NR2F6: variants seen among roughly 807,000 people sequenced by gnomAD.
NR2F6 encodes ERBA-related gene-2.
In NR2F6, 16 loss-of-function variants were observed where a neutral mutation model predicts 26.5. The observed-to-expected ratio is 0.60, with a 90% confidence interval of 0.41 to 0.92. The LOEUF is 0.92. NR2F6 is among the 40% of genes least tolerant of loss of function. The pLI, the probability that NR2F6 is intolerant of heterozygous loss-of-function variation, is 0.00. For missense variants in NR2F6, 536 were observed against 631.7 expected, an observed-to-expected ratio of 0.85 and a Z score of 1.62; for synonymous variants, 325 against 305.0, an observed-to-expected ratio of 1.07 and a Z score of -0.68.
chr19:17,239,586 G>A (rs770623490), intron 2 of NR2F6, among the ~76,000 whole-genome samples: 6 of 151,526 alleles, frequency 4.0e-5, no homozygotes, highest in African/African-American at 9.7e-5. Context: ...CCCAGGGGGC[G>A]GAGCCTGCAG....
At chr19:17,237,453 C>T (rs1367609884) in intron 2 of NR2F6, among the ~76,000 whole-genome samples, 1 of 150,758 alleles carries the variant, frequency 6.6e-6, no homozygotes, top group African/African-American at 2.4e-5. Flanking sequence ...TGCTCTGTCA[C>T]CAGGCTGGAG....
At chr19:17,238,752 C>T (rs1413771178) in intron 2 of NR2F6, among the ~76,000 whole-genome samples, 1 of 152,166 alleles carries the variant, frequency 6.6e-6, no homozygotes, top group African/African-American at 2.4e-5. Flanking sequence ...TCAGCTTCTC[C>T]CACCAAGGCC....
rs866074729 is a variant in NR2F6 at position 17,235,805 on chromosome 19, T to C, written c.634A>G (p.Ser212Gly). Residue 212 changes from serine to glycine, a missense_variant, in exon 3 of 4, where the codon AGC (serine) becomes GGC (glycine). By Grantham distance (56) the Ser-to-Gly change is moderately conservative. Transcript: ENST00000291442. The surrounding 1 kb of genome is among the most constrained non-coding windows in gnomAD (Gnocchi z 5.0). The part of the protein sequence containing the change: ...VCELAARLLF[S>G]TVEWARHAPF... ...GCGTGGCGCGCCCACTCCACGGTGC[T>C]GAAGAGCAGCCGCGCCGCCAGCTCG... 1 of 1,484,834 alleles carries C rather than the reference T, an allele frequency of 6.7e-7. No individual in the cohort carries two copies. The highest frequency in any genetic ancestry group is 1.3e-5 in the South Asian group (1 of 78,842). 92.0% of individuals were successfully genotyped at this position (1,484,834 alleles called of 1,614,324 possible). A position where few individuals can be genotyped will look rare whatever the true frequency, so the allele number is the denominator to read the frequency against.
chr19:17,232,966 G>A (rs2073416062), intron 3 of NR2F6, among the ~76,000 whole-genome samples: 1 of 152,170 alleles, frequency 6.6e-6, no homozygotes, highest in South Asian at 2.1e-4. Context: ...TGGCCAACAT[G>A]ATGATATTCC....
intron 3 of NR2F6, 110 bp from the exon 4 acceptor site, chr19:17,232,736 G>T: frequency 7.7e-7 from 1 of 1,298,398 alleles, no homozygotes; most frequent in Non-Finnish European, 1.0e-6. Context: ...CAGGGGGCCG[G>T]GCATGATGGC....
At chr19:17,242,067 C>T (rs1319250066) in intron 1 of NR2F6, among the ~76,000 whole-genome samples, 3 of 151,940 alleles carry the variant, frequency 2.0e-5, no homozygotes, top group African/African-American at 7.3e-5. Context: ...GCCTGTAATC[C>T]CAGCACTTTG....
Position 17,235,815 on chromosome 19 carries a change from C to T in NR2F6, c.624G>A (p.Arg208=), listed in dbSNP as rs1356422607. 2 of 1,480,220 alleles carry T rather than the reference C, an allele frequency of 1.4e-6. No individual in the cohort carries two copies. The highest frequency in any genetic ancestry group is 2.4e-5 in the Admixed American group (1 of 42,246). The allele number at this position is 1,480,220 out of a possible 1,614,324, so 91.7% of individuals were successfully genotyped here. ...CCCACTCCACGGTGCTGAAGAGCAG[C>T]CGCGCCGCCAGCTCGCACACGTTGT... ...GIDNVCELAA[R]LLFSTVEWAR... Residue 208 remains arginine, a synonymous_variant, in exon 3 of 4, where the codon CGG becomes CGA. Transcript: ENST00000291442. This position sits in a 1 kb window ranked among gnomAD's most constrained non-coding sequence, Gnocchi z 5.0.
chr19:17,241,823 C>G (rs540777876), intron 1 of NR2F6, among the ~76,000 whole-genome samples: 56 of 149,626 alleles, frequency 3.7e-4, no homozygotes, highest in African/African-American at 1.4e-3. Context: ...CAAGACCAGC[C>G]TGGCCAACAT....
chr19:17,244,486 G>C, intron 1 of NR2F6: 1 of 159,080 alleles, frequency 6.3e-6, no homozygotes. Context: ...AGGGCGCGCC[G>C]TATCGATCCG....
intron 1 of NR2F6, among the ~76,000 whole-genome samples, chr19:17,243,050 A>G (rs2073477813): frequency 6.6e-6 from 1 of 152,124 alleles, no homozygotes; most frequent in Non-Finnish European, 1.5e-5. Flanking sequence ...ATGGCTGCAC[A>G]GTCCCCCTCT....
Position 17,240,783 on chromosome 19 carries a change from C to CT in NR2F6, c.279-19_279-18insA, listed in dbSNP as rs1267468205. On this transcript the variant is annotated intron_variant, in intron 1 of 3. Transcript: ENST00000291442. ...GGTTGGACCTGGGGGCACACAGAAG[C>CT]CAGGGCTCCCTGAGACCCCCATATC... The CT allele has an allele frequency of 6.2e-7, 1 of 1,612,008 alleles. No individual in the cohort carries two copies. Among genetic ancestry groups the CT allele is most frequent in the South Asian group, 1.1e-5 (1 of 90,842 alleles).
chr19:17,244,646 C>T (rs997530365), intron 1 of NR2F6: 6 of 372,784 alleles, frequency 1.6e-5, no homozygotes, highest in South Asian at 3.1e-5. Flanking sequence ...CCTACCCCCA[C>T]CCCAGCGCGG....
chr19:17,243,246 C>T (rs2073478823), intron 1 of NR2F6, among the ~76,000 whole-genome samples: 1 of 152,240 alleles, frequency 6.6e-6, no homozygotes, highest in Non-Finnish European at 1.5e-5. Flanking sequence ...CCAGATCCCA[C>T]AGACTTGGGG....
In NR2F6 at chr19:17,245,191, GC is replaced by G; in HGVS notation, c.29del (p.Gly10AlafsTer112). The G allele has an allele frequency of 7.3e-7, 1 of 1,378,014 alleles. No homozygotes were observed. Among genetic ancestry groups the G allele is most frequent in the Non-Finnish European group, 9.4e-7 (1 of 1,063,676 alleles). 85.4% of individuals were successfully genotyped at this position (1,378,014 alleles called of 1,614,324 possible). On this transcript the variant is annotated frameshift_variant, in exon 1 of 4. Coordinates refer to ENST00000291442, the MANE Select transcript of NR2F6 (RefSeq NM_005234.4). LOFTEE classifies it high-confidence loss of function. This position sits in a 1 kb window ranked among gnomAD's most constrained non-coding sequence, Gnocchi z 5.0. Reference sequence around the variant, plus strand: ...CCACGCCGTTCGTGTCGCCGCCGGGGCCGCCCCAGCCGCCGGTCACCATGGC... The same window carrying G: ...CCACGCCGTTCGTGTCGCCGCCGGGGCGCCCCAGCCGCCGGTCACCATGGC... MAMVTGGWG[G>X]PGGDTNGVDK... is the part of the protein sequence containing the mutation.
chr19:17,232,631 G>C lies in NR2F6; in HGVS notation c.941-5C>G. On this transcript the variant is annotated splice_region_variant and splice_polypyrimidine_tract_variant and intron_variant, in intron 3 of 3. Transcript: ENST00000291442. ...GGTCTGAGAGGCCACAGGCGTCTAGGGGGACAAAGGCAAGTCAGACAGGTG... is the reference window on the plus strand; with the variant it reads ...GGTCTGAGAGGCCACAGGCGTCTAGCGGGACAAAGGCAAGTCAGACAGGTG... 1 of 1,527,098 alleles carries C rather than the reference G, an allele frequency of 6.5e-7. No homozygotes were observed. The highest frequency in any genetic ancestry group is 1.4e-5 in the African/African-American group (1 of 72,424). The allele number at this position is 1,527,098 out of a possible 1,614,324, so 94.6% of individuals were successfully genotyped here.
chr19:17,233,335 C>G (rs148198388), intron 3 of NR2F6, among the ~76,000 whole-genome samples: 1,592 of 146,872 alleles, frequency 0.011, 25 homozygotes, highest in African/African-American at 0.038. Flanking sequence ...CAAAACAAAA[C>G]AAAACAAAAC....
chr19:17,235,465 C>T lies in NR2F6; in HGVS notation c.940+34G>A. The T allele has an allele frequency of 6.5e-7, 1 of 1,547,598 alleles. No individual in the cohort carries two copies. ...CTCCTCCTAACCTCCCTTGGGTCCC[C>T]CCATCCCGCGGCCCTCTTCGGAGCG... On this transcript the variant is annotated intron_variant, in intron 3 of 3. Transcript: ENST00000291442. The surrounding 1 kb of genome is among the most constrained non-coding windows in gnomAD (Gnocchi z 5.0).
At position 17,232,625 on chromosome 19, in the gene NR2F6, G is replaced by A. The variant is rs1204300308; in HGVS notation, c.942C>T (p.Asp314=). Residue 314 remains aspartate (D), a splice_region_variant and synonymous_variant, in exon 4 of 4, where the codon GAC becomes GAT. Transcript: ENST00000291442. ...GGGCCGGGTCTGAGAGGCCACAGGC[G>A]TCTAGGGGGACAAAGGCAAGTCAGA... The part of the protein sequence containing the change: ...CLKAIALFTP[D]ACGLSDPAHV... The A allele has an allele frequency of 5.2e-6, 8 of 1,530,464 alleles. No homozygotes were observed. Among genetic ancestry groups the A allele is most frequent in the East Asian group, 4.5e-5 (2 of 44,252 alleles). The allele number at this position is 1,530,464 out of a possible 1,614,324, so 94.8% of individuals were successfully genotyped here. A position where few individuals can be genotyped will look rare whatever the true frequency, so the allele number is the denominator to read the frequency against.
intron 1 of NR2F6, 139 bp downstream of exon 1, chr19:17,244,804 G>A (rs1475774349): frequency 5.2e-6 from 5 of 953,676 alleles, no homozygotes; most frequent in Admixed American, 6.6e-5. Flanking sequence ...GCGGGAGGAG[G>A]GTGCTGTGCC....
Sources: allele counts gnomAD v4.1 joint callset (sites outside exome capture counted in the v4.1 genomes callset), GRCh38; gene constraint gnomAD v4.1.1; non-coding constraint Gnocchi (gnomAD v3.1); transcripts MANE v1.5; gene names NCBI Gene and HGNC (gene_info 2026-07-23, HGNC 2026-07-21).